EPG5: variants seen among roughly 807,000 people sequenced by gnomAD.
The protein encoded by EPG5 is ectopic P-granules 5 autophagy tethering factor, also known as ectopic P granules protein 5 homolog.
EPG5 carries 159 observed loss-of-function variants against 302.7 expected under a neutral mutation model. The observed-to-expected ratio is 0.53, with a 90% CI of 0.46 to 0.60. The LOEUF (loss-of-function observed/expected upper bound fraction) is 0.60, where lower values mean the gene tolerates loss of function less well. EPG5 is among the 20% of genes least tolerant of loss of function. The pLI, the probability that EPG5 is intolerant of heterozygous loss-of-function variation, is 0.00. For missense variants in EPG5, 2,896 were observed against 3,092.4 expected (o/e 0.94, Z 1.51); for synonymous variants, 1,158 against 1,136.8 (o/e 1.02, Z -0.37).
intron 7 of EPG5, among the ~76,000 whole-genome samples, chr18:45,945,772 T>C (rs7230104): frequency 0.3 from 45,187 of 151,764 alleles, 9,342 homozygotes; most frequent in African/African-American, 0.57. Flanking sequence ...CTAGCAAAAA[T>C]GCCTGCACAT....
At chr18:45,863,817 G>GGTTTT (rs1001190114) in intron 39 of EPG5, among the ~76,000 whole-genome samples, 10 of 152,210 alleles carry the variant, frequency 6.6e-5, no homozygotes, top group East Asian at 1.9e-4. Context: ...GGATGTAAAG[G>GGTTTT]GTTTTGTTTT....
At chr18:45,881,915 C>T (rs1386520574) in intron 31 of EPG5, among the ~76,000 whole-genome samples, 1 of 152,220 alleles carries the variant, frequency 6.6e-6, no homozygotes, top group Non-Finnish European at 1.5e-5. Flanking sequence ...TCATAAGGCA[C>T]AACCTCCTTG....
At chr18:45,802,655 C>T in the EPG5 span, among the ~76,000 whole-genome samples, 1 of 152,218 alleles carries the variant, frequency 6.6e-6, no homozygotes, top group African/African-American at 2.4e-5. Flanking sequence ...ATACCTTTCC[C>T]CACACTGTCC....
At chr18:45,907,258 G>T (rs1161672019) in intron 24 of EPG5, 1 of 152,108 alleles carries the variant, frequency 6.6e-6, no homozygotes, top group Non-Finnish European at 1.5e-5. Context: ...TCCCATCCTG[G>T]TGCTGGGGTC....
At chr18:45,897,579 C>T (rs1018290597) in intron 27 of EPG5, among the ~76,000 whole-genome samples, 1 of 152,136 alleles carries the variant, frequency 6.6e-6, no homozygotes, top group Non-Finnish European at 1.5e-5. Context: ...GAAAAAAATA[C>T]ACCAAAAGAA....
At position 45,925,855 on chromosome 18, in the gene EPG5, A is replaced by C. The variant is rs1400737444; in HGVS notation, c.2601T>G (p.Pro867=). 2.6e-6 allele frequency: 4 copies of C among 1,565,230 alleles called. No individual in the cohort carries two copies. Among genetic ancestry groups the C allele is most frequent in the Non-Finnish European group, 2.6e-6 (3 of 1,159,574 alleles). ...GAATCACCGCTATCTCAGATGCAGA[A>C]GGTTGCCAAAGATACAAAGGCAGTT... ...FKELPLYLWQ[P]SASEIAVIRD... The change falls in exon 14 of 44, where the codon CCT becomes CCG. Residue 867 remains proline, a synonymous_variant. Transcript: ENST00000282041.
chr18:45,960,920 C>G (rs1219084366), intron 1 of EPG5, among the ~76,000 whole-genome samples: 2 of 152,076 alleles, frequency 1.3e-5, no homozygotes, highest in African/African-American at 2.4e-5. Context: ...ATTCACATGT[C>G]CAAGGCTACT....
At chr18:45,884,521 A>G (rs539541750) in intron 30 of EPG5, 96 bp downstream of exon 30, 1 of 1,191,648 alleles carries the variant, frequency 8.4e-7, no homozygotes, top group East Asian at 2.7e-5. Flanking sequence ...CTGTACCTGG[A>G]AACAAAACTG....
chr18:45,919,590 G>A (rs989930847), intron 16 of EPG5, among the ~76,000 whole-genome samples: 76 of 150,136 alleles, frequency 5.1e-4, no homozygotes, highest in African/African-American at 1.8e-3. Flanking sequence ...TCGGCTCACT[G>A]CAAGCTCCGC....
chr18:45,949,838 A>G (rs770366621), intron 4 of EPG5, among the ~76,000 whole-genome samples: 3 of 152,204 alleles, frequency 2.0e-5, no homozygotes, highest in Non-Finnish European at 2.9e-5. Context: ...CAAATCACTA[A>G]TTTCCTGGCC....
At chr18:45,956,160 G>A (rs913187058) in intron 1 of EPG5, among the ~76,000 whole-genome samples, 4 of 152,272 alleles carry the variant, frequency 2.6e-5, no homozygotes, top group Admixed American at 6.5e-5. Context: ...CAGTAATACT[G>A]ACATCAGATA....
chr18:45,861,346 G>A (rs898364711), intron 39 of EPG5, among the ~76,000 whole-genome samples: 14 of 152,134 alleles, frequency 9.2e-5, no homozygotes, highest in Admixed American at 2.0e-4. Flanking sequence ...GAATTTCAAC[G>A]GAATAGCAAT....
At chr18:45,952,975 C>A (rs376331817) in intron 2 of EPG5, among the ~76,000 whole-genome samples, 1 of 152,058 alleles carries the variant, frequency 6.6e-6, no homozygotes, top group East Asian at 1.9e-4. Context: ...AGTTTGAGAC[C>A]AGCCTGGCCA....
Position 45,887,919 on chromosome 18 carries a change from T to C in EPG5, c.4953-12A>G. On this transcript the variant is annotated splice_polypyrimidine_tract_variant and intron_variant, in intron 28 of 43. Coordinates refer to ENST00000282041, the MANE Select transcript of EPG5 (RefSeq NM_020964.3). The stretch of plus-strand genomic sequence containing the variant: ...CATTCACTAAGGCCCTGTGGGAAAA[T>C]GTGGGTAAGACTGCAGTCTACAGTA... The C allele has an allele frequency of 1.3e-6, 2 of 1,542,926 alleles. No homozygotes were observed. Among genetic ancestry groups the C allele is most frequent in the Middle Eastern group, 1.8e-4 (1 of 5,676 alleles).
chr18:45,945,603 A>G (rs774005041), intron 7 of EPG5, among the ~76,000 whole-genome samples: 1 of 152,162 alleles, frequency 6.6e-6, no homozygotes, highest in African/African-American at 2.4e-5. Context: ...CTCCTTAATC[A>G]TTATCTGTCT....
At chr18:45,944,214 T>C (rs958723708) in intron 7 of EPG5, 95 bp from the exon 8 acceptor site, 16 of 749,282 alleles carry the variant, frequency 2.1e-5, no homozygotes, top group Admixed American at 1.4e-4. Context: ...GTCTCAATGG[T>C]ATACATGTGA....
the EPG5 span, among the ~76,000 whole-genome samples, chr18:45,814,278 G>T: frequency 3.3e-5 from 5 of 152,190 alleles, no homozygotes; most frequent in East Asian, 3.9e-4. Flanking sequence ...GACAAACCCA[G>T]TTGAAGGGCA....
At chr18:45,943,883 T>G (rs1210341434) in intron 8 of EPG5, 122 bp downstream of exon 8, 1 of 632,214 alleles carries the variant, frequency 1.6e-6, no homozygotes, top group East Asian at 2.8e-5. Context: ...ATCGCGCCAC[T>G]GCACTCAGGC....
intron 16 of EPG5, among the ~76,000 whole-genome samples, chr18:45,921,249 G>T (rs1374529088): frequency 1.3e-5 from 2 of 152,126 alleles, no homozygotes; most frequent in Non-Finnish European, 2.9e-5. Context: ...GATTGCAACT[G>T]GTATCCCACT....
Sources: allele counts gnomAD v4.1 joint callset (sites outside exome capture counted in the v4.1 genomes callset), GRCh38; gene constraint gnomAD v4.1.1; transcripts MANE v1.5; gene names NCBI Gene and HGNC (gene_info 2026-07-23, HGNC 2026-07-21).